The following DPH7 variants were observed in gnomAD, a reference collection of about 807,000 sequenced individuals.
The protein encoded by DPH7 is diphthine methyltransferase.
A neutral mutation model predicts 41.7 loss-of-function variants in DPH7; 44 were observed. That is an observed-to-expected ratio of 1.05 (90% CI 0.83 to 1.36). The LOEUF is 1.36. Ranked by LOEUF, DPH7 falls within the 40% of genes most tolerant of loss-of-function variation. DPH7 has a pLI of 0.00. For missense variants in DPH7, 629 were observed against 577.5 expected (o/e 1.09, Z -0.91); for synonymous variants, 275 against 238.0 (o/e 1.16, Z -1.43).
Position 137,564,441 on chromosome 9 carries a change from C to A in DPH7, c.942G>T (p.Lys314Asn), listed in dbSNP as rs754230902. ...HSGFKILNCQ[K>N]AMEERQEATV... ...CCACGGGTCCCCACTCACCCATTGC[C>A]TTTTGGCAGTTGAGGATCTTAAAGC... The change falls in exon 8 of 9, where the codon AAG (lysine) becomes AAT (asparagine). Residue 314 changes from lysine (K) to asparagine (N), a missense_variant. Transcript: ENST00000277540. 1 of 1,613,050 alleles carries A rather than the reference C, an allele frequency of 6.2e-7. No individual in the cohort carries two copies. The highest frequency in any genetic ancestry group is 1.1e-5 in the South Asian group (1 of 91,012).
Position 137,555,263 on chromosome 9 carries a change from G to T in DPH7, c.1335C>A (p.His445Gln), listed in dbSNP as rs1837258123. 1 of 1,607,700 alleles carries T rather than the reference G, an allele frequency of 6.2e-7. No homozygotes were observed. Reference protein sequence around the residue: ...ATCSFYDHALHLWEWEGN With the variant: ...ATCSFYDHALQLWEWEGN Reference sequence around the variant, plus strand: ...CTCAGTTCCCCTCCCACTCCCAGAGGTGGAGCGCATGGTCATAGAAGGAGC... The same window carrying T: ...CTCAGTTCCCCTCCCACTCCCAGAGTTGGAGCGCATGGTCATAGAAGGAGC... Residue 445 changes from histidine (H) to glutamine (Q), a missense_variant, in exon 9 of 9, where the codon CAC becomes CAA. Transcript: ENST00000277540.
rs1227671171 is a variant in DPH7, at chr9:137,578,866, C to T, written c.-89G>A. On this transcript the variant is annotated 5_prime_UTR_variant, in exon 1 of 9. Coordinates refer to ENST00000277540, the MANE Select transcript of DPH7 (RefSeq NM_138778.5). ...CTGCGCGGGGCGGCGAGGCCGGGGC[C>T]GGCCGGACGAGCGCAGAGCCCCAGG... The T allele has an allele frequency of 1.6e-6, 2 of 1,287,230 alleles. No individual in the cohort carries two copies. The highest frequency in any genetic ancestry group is 4.3e-5 in the South Asian group (2 of 47,026). 79.7% of individuals were successfully genotyped at this position (1,287,230 alleles called of 1,614,324 possible).
chr9:137,564,843 G>A (rs774214994), intron 7 of DPH7, 50 bp downstream of exon 7: 96 of 1,556,008 alleles, frequency 6.2e-5, no homozygotes, highest in African/African-American at 9.5e-5. Flanking sequence ...GGAGCCCCCC[G>A]GGGACAGCGA....
At chr9:137,564,714 C>G (rs1839264613) in intron 7 of DPH7, 108 bp from the exon 8 acceptor site, 1 of 1,492,066 alleles carries the variant, frequency 6.7e-7, no homozygotes, top group Non-Finnish European at 9.1e-7. Flanking sequence ...CCCATGCATC[C>G]CTCGAGGACA....
At chr9:137,558,840 T>C (rs1837990117) in intron 8 of DPH7, among the ~76,000 whole-genome samples, 1 of 152,162 alleles carries the variant, frequency 6.6e-6, no homozygotes, top group East Asian at 1.9e-4. Context: ...GTTCAACCGA[T>C]TCTCCTGACT....
In DPH7 at chr9:137,554,576, C is replaced by CA. The variant is rs1554785903; in HGVS notation, c.*662dup. 6.6e-6 allele frequency among the ~76,000 whole-genome samples: 1 copy of CA among 151,970 alleles called. No individual in the cohort carries two copies. The highest frequency in any genetic ancestry group is 1.5e-5 in the Non-Finnish European group (1 of 67,998). ...CCTCAGCCTCCCAAGTGGCTGGGACCATAGGCACATGCACCACACCTGGCT... is the reference window on the plus strand; with the variant it reads ...CCTCAGCCTCCCAAGTGGCTGGGACCAATAGGCACATGCACCACACCTGGCT... On this transcript the variant is annotated 3_prime_UTR_variant, in exon 9 of 9. Coordinates refer to ENST00000277540, the MANE Select transcript of DPH7 (RefSeq NM_138778.5).
chr9:137,577,817 G>C (rs1841688500), intron 1 of DPH7, among the ~76,000 whole-genome samples: 1 of 152,176 alleles, frequency 6.6e-6, no homozygotes, highest in Non-Finnish European at 1.5e-5. Context: ...CTTCTAAACC[G>C]GCCAACAGGG....
At chr9:137,578,063 G>A (rs1841742497) in intron 1 of DPH7, 1 of 906,128 alleles carries the variant, frequency 1.1e-6, no homozygotes. Context: ...CGTGCCTGTG[G>A]TGCCAGCTAC....
rs918388085 is a variant in DPH7, at chr9:137,578,855, G to A, written c.-78C>T. On this transcript the variant is annotated 5_prime_UTR_variant, in exon 1 of 9. Transcript: ENST00000277540. ...CGGGCTGGGTACTGCGCGGGGCGGC[G>A]AGGCCGGGGCCGGCCGGACGAGCGC... 2.3e-6 allele frequency: 3 copies of A among 1,313,054 alleles called. No homozygotes were observed. Among genetic ancestry groups the A allele is most frequent in the Non-Finnish European group, 9.8e-7 (1 of 1,024,078 alleles). The allele number at this position is 1,313,054 out of a possible 1,614,324, so 81.3% of individuals were successfully genotyped here.
intron 8 of DPH7, among the ~76,000 whole-genome samples, chr9:137,561,783 CA>C (rs1268399680): frequency 1.3e-5 from 2 of 152,150 alleles, no homozygotes; most frequent in Non-Finnish European, 2.9e-5. Flanking sequence ...AAGAGATCCC[CA>C]AAATACGTGA....
intron 8 of DPH7, among the ~76,000 whole-genome samples, chr9:137,560,371 G>A (rs906784150): frequency 5.3e-5 from 8 of 152,070 alleles, no homozygotes; most frequent in Non-Finnish European, 1.2e-4. Context: ...GTGGGGCAAG[G>A]ACAGAAAAAT....
intron 3 of DPH7, chr9:137,575,746 CACAGG>C (rs1398950986): frequency 9.1e-6 from 10 of 1,097,526 alleles, no homozygotes; most frequent in Non-Finnish European, 1.0e-5. Context: ...GCCATCTTCA[CACAGG>C]ATGCTCACTG....
chr9:137,575,313 T>G (rs948898240), intron 3 of DPH7: 28 of 990,606 alleles, frequency 2.8e-5, no homozygotes, highest in Non-Finnish European at 3.4e-5. Context: ...TTGCTCTTTA[T>G]GCAGATCTAT....
At position 137,555,640 on chromosome 9, in the gene DPH7, G is replaced by A. The variant is rs1474618688; in HGVS notation, c.958C>T (p.Gln320Ter). Residue 320 changes from glutamine to a stop codon, truncating the protein, a stop_gained, in exon 9 of 9, where the codon CAG (glutamine) becomes TAG (stop). Coordinates refer to ENST00000277540, the MANE Select transcript of DPH7 (RefSeq NM_138778.5). LOFTEE classifies it low-confidence loss of function (END_TRUNC). ...TGAGATGTCAGGACCGTCGCCTCCT[G>A]CCTCTCCTCTGGAGTGAGAGATGGG... is the stretch of plus-strand genomic sequence containing the variant. ...LNCQKAMEER[Q>*]EATVLTSHTL... 3.1e-6 allele frequency: 5 copies of A among 1,598,152 alleles called. No homozygotes were observed. Among genetic ancestry groups the A allele is most frequent in the African/African-American group, 1.3e-5 (1 of 74,678 alleles).
intron 8 of DPH7, among the ~76,000 whole-genome samples, chr9:137,559,558 C>T (rs572688114): frequency 7.9e-5 from 12 of 152,288 alleles, no homozygotes; most frequent in Admixed American, 2.6e-4. Flanking sequence ...GCTCCTTGTC[C>T]GCCTTCATGT....
chr9:137,576,876 C>A (rs1323107670), intron 2 of DPH7, among the ~76,000 whole-genome samples: 3 of 149,154 alleles, frequency 2.0e-5, no homozygotes, highest in Admixed American at 6.7e-5. Context: ...GGCGACAGAG[C>A]GAGACTCCGT....
At chr9:137,558,362 G>A (rs756373680) in intron 8 of DPH7, among the ~76,000 whole-genome samples, 20 of 152,000 alleles carry the variant, frequency 1.3e-4, no homozygotes, top group Non-Finnish European at 2.4e-4. Flanking sequence ...CCACCACTGC[G>A]CTCCCACCTG....
Position 137,556,027 on chromosome 9 carries a change from G to A in DPH7, c.950-379C>T, listed in dbSNP as rs916474611. Among the ~76,000 whole-genome samples the A allele has an allele frequency of 2.0e-4, 31 of 152,214 alleles. No homozygotes were observed. Among genetic ancestry groups the A allele is most frequent in the African/African-American group, 7.2e-4 (30 of 41,452 alleles). The stretch of plus-strand genomic sequence containing the variant: ...GATGTCTGAGGAACAGGCAGCATGT[G>A]TACAGCAGAGGTGAGAAAGTCCAAG... On this transcript the variant is annotated intron_variant, in intron 8 of 8. Coordinates refer to ENST00000277540, the MANE Select transcript of DPH7 (RefSeq NM_138778.5). This position sits in a 1 kb window ranked among gnomAD's most constrained non-coding sequence, Gnocchi z 5.2.
intron 3 of DPH7, chr9:137,575,633 A>C: frequency 9.9e-7 from 1 of 1,010,882 alleles, no homozygotes; most frequent in Non-Finnish European, 1.2e-6. Flanking sequence ...CCCGACAGCT[A>C]TCAGATGAAG....
Sources: gnomAD v4.1 joint callset for allele counts (sites outside exome capture counted in the v4.1 genomes callset) on GRCh38, gnomAD v4.1.1 for gene constraint, Gnocchi (gnomAD v3.1) non-coding constraint, MANE v1.5 for transcripts, NCBI Gene and HGNC (gene_info 2026-07-23, HGNC 2026-07-21) for gene names.